Variants in NDST4 observed in about 807,000 individuals in gnomAD.
NDST4 encodes the protein N-heparan sulfate sulfotransferase 4.
In NDST4, 63 loss-of-function variants were observed where a neutral mutation model predicts 100.8. The observed-to-expected ratio is 0.62, with a 90% confidence interval of 0.51 to 0.77. NDST4 has a LOEUF of 0.77. Among genes scored for constraint, NDST4 ranks in the 30% least tolerant of loss-of-function variants. The pLI is 0.00. For synonymous variants in NDST4, 377 were observed against 361.8 expected, an observed-to-expected ratio of 1.04 and a Z score of -0.48; for missense variants, 943 against 1,018.4, an observed-to-expected ratio of 0.93 and a Z score of 1.01.
chr4:114,974,282 CA>C (rs200381782), intron 3 of NDST4, among the ~76,000 whole-genome samples: 1 of 143,604 alleles, frequency 7.0e-6, no homozygotes, highest in South Asian at 2.2e-4. Context: ...GCAACATATG[CA>C]AAAAACAAAA....
intron 2 of NDST4, among the ~76,000 whole-genome samples, chr4:115,066,742 G>A (rs577548272): frequency 2.0e-5 from 3 of 152,238 alleles, no homozygotes; most frequent in Admixed American, 6.5e-5. Flanking sequence ...AAGATTTCAT[G>A]ATGTTCTAAA....
intron 2 of NDST4, among the ~76,000 whole-genome samples, chr4:115,001,887 C>A (rs1379113030): frequency 1.2e-4 from 18 of 152,290 alleles, no homozygotes. Context: ...CTAAAGGCAG[C>A]ATGGTAAATA....
At chr4:114,853,367 T>G (rs1025262768) in intron 7 of NDST4, among the ~76,000 whole-genome samples, 4 of 152,166 alleles carry the variant, frequency 2.6e-5, no homozygotes, top group African/African-American at 9.7e-5. Context: ...AGACTTAAGG[T>G]TTTATATTGC....
chr4:114,913,493 A>T (rs1187515199), intron 6 of NDST4, among the ~76,000 whole-genome samples: 1 of 152,086 alleles, frequency 6.6e-6, no homozygotes, highest in Non-Finnish European at 1.5e-5. Flanking sequence ...AATAGAGATT[A>T]TCTGCCTATT....
At chr4:115,022,954 C>T (rs747665374) in intron 2 of NDST4, among the ~76,000 whole-genome samples, 16 of 152,148 alleles carry the variant, frequency 1.1e-4, no homozygotes, top group African/African-American at 3.6e-4. Flanking sequence ...TCCCCAGCTT[C>T]GGGTATGTTT....
chr4:115,014,404 C>G (rs772523956), intron 2 of NDST4, among the ~76,000 whole-genome samples: 9 of 152,028 alleles, frequency 5.9e-5, no homozygotes, highest in Non-Finnish European at 1.3e-4. Context: ...AGTTCAGAGG[C>G]CTTCTACCTC....
intron 7 of NDST4, among the ~76,000 whole-genome samples, chr4:114,865,649 A>C (rs931899605): frequency 2.0e-5 from 3 of 152,192 alleles, no homozygotes; most frequent in Non-Finnish European, 4.4e-5. Context: ...TTTAATTTAG[A>C]AAGTATTGCC....
Position 115,106,380 on chromosome 4 carries a change from A to T in NDST4, c.-247+7064T>A, listed in dbSNP as rs72900669. On this transcript the variant is annotated intron_variant, in intron 1 of 13. Transcript: ENST00000264363. Reference sequence around the variant, plus strand: ...TTGAGGTAATTTTATAATTGGAGAAATTTTTTAAAAAAGAAACAGTCATCT... The same window carrying T: ...TTGAGGTAATTTTATAATTGGAGAATTTTTTTAAAAAAGAAACAGTCATCT... Among the ~76,000 whole-genome samples, 288 of 152,112 alleles carry T rather than the reference A, an allele frequency of 1.9e-3. 1 individual carries two copies. The highest frequency in any genetic ancestry group is 3.1e-3 in the African/African-American group (129 of 41,542).
chr4:115,013,306 G>A (rs2126261539), intron 2 of NDST4, among the ~76,000 whole-genome samples: 1 of 130,140 alleles, frequency 7.7e-6, no homozygotes, highest in East Asian at 2.3e-4. Flanking sequence ...TTGTATGCCT[G>A]TATCAAAATA....
At chr4:115,082,825 T>A (rs1034500349) in intron 1 of NDST4, among the ~76,000 whole-genome samples, 1 of 152,168 alleles carries the variant, frequency 6.6e-6, no homozygotes, top group Non-Finnish European at 1.5e-5. Context: ...AGCCAAAAAC[T>A]TAGCAGTCAG....
At chr4:114,898,083 T>C (rs1724755658) in intron 6 of NDST4, among the ~76,000 whole-genome samples, 1 of 152,180 alleles carries the variant, frequency 6.6e-6, no homozygotes, top group Non-Finnish European at 1.5e-5. Context: ...CAATTATTTC[T>C]TTCATGAATC....
intron 1 of NDST4, among the ~76,000 whole-genome samples, chr4:115,103,313 G>T (rs917224876): frequency 2.6e-5 from 4 of 152,130 alleles, no homozygotes; most frequent in African/African-American, 9.7e-5. Flanking sequence ...AATGAAGAAT[G>T]TAATGCCCAA....
chr4:114,944,655 A>C (rs1010697643), intron 4 of NDST4, among the ~76,000 whole-genome samples: 1 of 152,200 alleles, frequency 6.6e-6, no homozygotes, highest in Non-Finnish European at 1.5e-5. Context: ...GTAACCTCAC[A>C]AAAGGGGACA....
At chr4:114,957,938 C>T (rs1202206210) in intron 4 of NDST4, among the ~76,000 whole-genome samples, 3 of 152,182 alleles carry the variant, frequency 2.0e-5, no homozygotes, top group African/African-American at 7.2e-5. Flanking sequence ...TGTGGCTTTG[C>T]AGGGTAGAGC....
In NDST4 at chr4:115,074,145, A is replaced by G. The variant is rs150764272; in HGVS notation, c.978+1914T>C. Among the ~76,000 whole-genome samples the G allele has an allele frequency of 2.5e-3, 387 of 152,050 alleles. 1 individual carries two copies. Among genetic ancestry groups the G allele is most frequent in the African/African-American group, 8.9e-3 (368 of 41,546 alleles). ...ACATAGCCTTTCTGATTCTCTCTCC[A>G]TGTGTGACATTGCTCAAGCCTTTGT... On this transcript the variant is annotated intron_variant, in intron 2 of 13. Transcript: ENST00000264363.
intron 11 of NDST4, 122 bp downstream of exon 11, chr4:114,839,256 G>T (rs1339222900): frequency 2.5e-6 from 2 of 801,056 alleles, no homozygotes; most frequent in Non-Finnish European, 3.6e-6. Context: ...CCCATTTTCT[G>T]CTTGTCAGTG....
intron 2 of NDST4, among the ~76,000 whole-genome samples, chr4:115,073,454 T>A (rs972893970): frequency 1.1e-4 from 17 of 151,972 alleles, no homozygotes; most frequent in African/African-American, 3.9e-4. Context: ...GAAAATGGGG[T>A]ACATATACAC....
At chr4:114,907,419 A>C (rs1386966141) in intron 6 of NDST4, among the ~76,000 whole-genome samples, 1 of 152,158 alleles carries the variant, frequency 6.6e-6, no homozygotes, top group African/African-American at 2.4e-5. Flanking sequence ...CTCTCTCATA[A>C]GGTTGTGAAG....
intron 9 of NDST4, 32 bp downstream of exon 9, chr4:114,848,183 T>A (rs1723595329): frequency 6.4e-7 from 1 of 1,570,066 alleles, no homozygotes; most frequent in East Asian, 2.3e-5. Flanking sequence ...CATGTGTTAA[T>A]AATGGAATTT....
Sources: allele counts gnomAD v4.1 joint callset (sites outside exome capture counted in the v4.1 genomes callset), GRCh38; gene constraint gnomAD v4.1.1; transcripts MANE v1.5; gene names NCBI Gene and HGNC (gene_info 2026-07-23, HGNC 2026-07-21).